The following POLRMT variants were observed in gnomAD, a reference collection of about 807,000 sequenced individuals.
POLRMT encodes the protein RNA polymerase mitochondrial.
Under a neutral mutation model 132.2 loss-of-function variants are expected in POLRMT, and 114 were observed. The observed-to-expected ratio is 0.86, with a 90% CI of 0.74 to 1.01. POLRMT has a LOEUF of 1.01. Ranked by LOEUF, POLRMT falls within the 50% of genes least tolerant of loss-of-function variation. POLRMT has a pLI of 0.00. For synonymous variants in POLRMT, 1,020 were observed against 773.4 expected (o/e 1.32, Z -5.29); for missense variants, 2,003 against 1,729.1 (o/e 1.16, Z -2.81).
At position 622,269 on chromosome 19, in the gene POLRMT, C is replaced by T; in HGVS notation, c.1731G>A (p.Lys577=). ...CCTGCACCAGCATCTCCGCCAGCAGCTTGCCCAGCTCCATCTGCACTGGCA... is the reference window on the plus strand; with the variant it reads ...CCTGCACCAGCATCTCCGCCAGCAGTTTGCCCAGCTCCATCTGCACTGGCA... ...WPLPVQMELG[K]LLAEMLVQAT... is the part of the protein sequence containing the mutation. The change falls in exon 9 of 21, where the codon AAG becomes AAA. Residue 577 remains lysine (K), a synonymous_variant. Coordinates refer to ENST00000588649, the MANE Select transcript of POLRMT (RefSeq NM_005035.4). 6.4e-7 allele frequency: 1 copy of T among 1,561,978 alleles called. No homozygotes were observed. The highest frequency in any genetic ancestry group is 2.4e-5 in the East Asian group (1 of 41,718).
At position 619,045 on chromosome 19, in the gene POLRMT, G is replaced by T; in HGVS notation, c.3219C>A (p.Pro1073=). The T allele has an allele frequency of 1.2e-6, 2 of 1,605,626 alleles. No individual in the cohort carries two copies. Among genetic ancestry groups the T allele is most frequent in the Non-Finnish European group, 1.7e-6 (2 of 1,176,342 alleles). ...HMGSVVEWVT[P]LGVPVIQPYR... ...AGGGCTGGATGACGGGGACGCCCAG[G>T]GGTGTGACCCACTCCACCACAGAGC... Residue 1073 remains proline (P), a synonymous_variant, in exon 15 of 21, where the codon CCC becomes CCA. Coordinates refer to ENST00000588649, the MANE Select transcript of POLRMT (RefSeq NM_005035.4).
At chr19:633,114 G>A in intron 1 of POLRMT, 176 bp from the exon 2 acceptor site, 1 of 615,916 alleles carries the variant, frequency 1.6e-6, no homozygotes, top group Non-Finnish European at 2.7e-6. Context: ...CCCCGCCGCG[G>A]CGAACACGGG....
rs1311391654 is a variant in POLRMT at position 622,159 on chromosome 19, T to C, written c.1841A>G (p.Asn614Ser). 3.2e-6 allele frequency: 5 copies of C among 1,558,348 alleles called. No homozygotes were observed. The highest frequency in any genetic ancestry group is 1.8e-5 in the Admixed American group (1 of 54,288). The change falls in exon 9 of 21, where the codon AAC (asparagine) becomes AGC (serine). Residue 614 changes from asparagine (N) to serine (S), a missense_variant. Transcript: ENST00000588649. ...PVLYHVYSFR[N>S]VQQIGILKPH... ...GGCACTGCCTGGCACCTGCTGGACG[T>C]TGCGGAAGGAATACACGTGGTAGAG...
chr19:626,914 T>A (rs1029881741), intron 3 of POLRMT, among the ~76,000 whole-genome samples: 10 of 133,756 alleles, frequency 7.5e-5, no homozygotes, highest in Non-Finnish European at 1.2e-4. Flanking sequence ...TATATATATA[T>A]AAAATAACAT....
intron 12 of POLRMT, 29 bp from the exon 13 acceptor site, chr19:619,794 G>C: frequency 6.4e-7 from 1 of 1,553,044 alleles, no homozygotes. Context: ...GGGGGCGCGG[G>C]TCAGCCCCGC....
At position 621,545 on chromosome 19, in the gene POLRMT, A is replaced by C. The variant is rs1242248081; in HGVS notation, c.2153T>G (p.Leu718Arg). 7.1e-7 allele frequency: 1 copy of C among 1,409,212 alleles called. No individual in the cohort carries two copies. The highest frequency in any genetic ancestry group is 3.2e-5 in the Admixed American group (1 of 30,974). 87.3% of individuals were successfully genotyped at this position (1,409,212 alleles called of 1,614,324 possible). ...RVNGRVLDLV[L>R]QLFQAKGCPQ... ...GCAGCCCTTGGCCTGGAAGAGCTGCAGCACCAGGTCCAGCACGCGCCCGTT... is the reference window on the plus strand; with the variant it reads ...GCAGCCCTTGGCCTGGAAGAGCTGCCGCACCAGGTCCAGCACGCGCCCGTT... The change falls in exon 10 of 21, where the codon CTG (leucine) becomes CGG (arginine). Residue 718 changes from leucine (L) to arginine (R), a missense_variant. Physicochemically the swap from Leu to Arg is moderately radical, Grantham distance 102. Coordinates refer to ENST00000588649, the MANE Select transcript of POLRMT (RefSeq NM_005035.4).
Position 632,909 on chromosome 19 carries a change from T to C in POLRMT, c.118A>G (p.Arg40Gly), listed in dbSNP as rs1290895431. 3.9e-6 allele frequency: 6 copies of C among 1,532,218 alleles called. No individual in the cohort carries two copies. The East Asian group carries it at 1.3e-4, about 33-fold the overall frequency. The allele number at this position is 1,532,218 out of a possible 1,614,324, so 94.9% of individuals were successfully genotyped here. A position where few individuals can be genotyped will look rare whatever the true frequency, so the allele number is the denominator to read the frequency against. Residue 40 changes from arginine (R) to glycine (G), a missense_variant, in exon 2 of 21, where the codon AGG (arginine) becomes GGG (glycine). Transcript: ENST00000588649. ...TCCTGGGGGCTGGCGGACGAGCTCC[T>C]CCTGGGGCCGCAGACGCCACCGGCG... is the stretch of plus-strand genomic sequence containing the variant. ...GTAGGVCGPR[R>G]SSSASPQEQD...
Position 619,289 on chromosome 19 carries a change from A to G in POLRMT, c.3074T>C (p.Val1025Ala). 1 of 1,607,348 alleles carries G rather than the reference A, an allele frequency of 6.2e-7. No individual in the cohort carries two copies. Among genetic ancestry groups the G allele is most frequent in the Non-Finnish European group, 8.5e-7 (1 of 1,178,962 alleles). Residue 1025 changes from valine to alanine, a missense_variant, in exon 14 of 21, where the codon GTG (valine) becomes GCG (alanine). Val to Ala is a moderately conservative substitution (Grantham distance 64). Transcript: ENST00000588649. ...TACGAGATAGTGAGAGGCCTCCCAC[A>G]CGAACTCCTGCAGAGGGCGGGCAGC... Reference protein sequence around the residue: ...RELSDFPQEFVWEASHYLVRQ... With the variant: ...RELSDFPQEFAWEASHYLVRQ...
At chr19:630,764 G>A (rs751904855) in intron 2 of POLRMT, among the ~76,000 whole-genome samples, 35 of 152,262 alleles carry the variant, frequency 2.3e-4, no homozygotes, top group African/African-American at 6.7e-4. Flanking sequence ...CCACTAGCTC[G>A]CAGGGAAAAC....
intron 3 of POLRMT, among the ~76,000 whole-genome samples, chr19:626,066 T>G (rs1381035377): frequency 1.3e-5 from 2 of 152,164 alleles, no homozygotes; most frequent in African/African-American, 4.8e-5. Context: ...GTCAGCTGCA[T>G]CCCAGGACTT....
chr19:632,020 G>C (rs1273837359), intron 2 of POLRMT, among the ~76,000 whole-genome samples: 1 of 150,670 alleles, frequency 6.6e-6, no homozygotes, highest in South Asian at 2.2e-4. Context: ...TGATCCGCCC[G>C]CCTCGGCCTC....
At chr19:629,460 G>A (rs1985245957) in intron 3 of POLRMT, 80 bp downstream of exon 3, 2 of 1,333,588 alleles carry the variant, frequency 1.5e-6, no homozygotes, top group Non-Finnish European at 2.0e-6. Context: ...GGGGCTAAGA[G>A]AGAAAAGTCC....
chr19:617,532 G>A (rs760902460), intron 19 of POLRMT, 38 bp downstream of exon 19: 1 of 1,608,536 alleles, frequency 6.2e-7, no homozygotes, highest in Non-Finnish European at 8.5e-7. Context: ...TTGGGGTGGG[G>A]GGGGAATCCA....
chr19:620,030 G>T lies in POLRMT; in HGVS notation c.2814C>A (p.Ser938Arg). 2 of 1,564,560 alleles carry T rather than the reference G, an allele frequency of 1.3e-6. No individual in the cohort carries two copies. ...CCAGGTTGACGGAGGCGGCGCCCAC[G>T]CTGTCGCGGCCCAGAGCAGCATAAT... ...LQHYAALGRD[S>R]VGAASVNLEP... Residue 938 changes from serine to arginine, a missense_variant, in exon 12 of 21, where the codon AGC becomes AGA. Transcript: ENST00000588649.
At chr19:629,359 T>C (rs570025991) in intron 3 of POLRMT, among the ~76,000 whole-genome samples, 181 bp downstream of exon 3, 9 of 152,160 alleles carry the variant, frequency 5.9e-5, no homozygotes, top group Admixed American at 3.3e-4. Context: ...CCTACTTTTT[T>C]GGTCATTTTC....
In POLRMT at chr19:621,348, A is replaced by G. The variant is rs1423448810; in HGVS notation, c.2350T>C (p.Ser784Pro). Residue 784 changes from serine to proline, a missense_variant, in exon 10 of 21, where the codon TCG becomes CCG. Physicochemically the swap from Ser to Pro is moderately conservative, Grantham distance 74. Transcript: ENST00000588649. ...SLRAEALYRL[S>P]LAQHLRDRVF... ...CGGTCCCGCAGGTGCTGCGCCAGCG[A>G]GAGGCGGTACAGCGCCTCCGCCCGC... The G allele has an allele frequency of 1.3e-6, 2 of 1,583,742 alleles. No homozygotes were observed. Among genetic ancestry groups the G allele is most frequent in the East Asian group, 4.5e-5 (2 of 44,076 alleles).
chr19:621,658 G>A lies in POLRMT; in HGVS notation c.2040C>T (p.His680=). The part of the protein sequence containing the change: ...LMRTVEGATQ[H]QELLETCPPT... ...GCGGGCAGGTTTCCAGCAGCTCCTG[G>A]TGCTGCGTGGCGCCTTCCACCGTGC... Residue 680 remains histidine, a synonymous_variant, in exon 10 of 21, where the codon CAC becomes CAT. Transcript: ENST00000588649. 1.9e-6 allele frequency: 3 copies of A among 1,542,120 alleles called. No homozygotes were observed. The highest frequency in any genetic ancestry group is 1.9e-5 in the Admixed American group (1 of 52,478).
rs1464900190 is a variant in POLRMT at position 617,427 on chromosome 19, G to T, written c.3635C>A (p.Pro1212His). 6.2e-7 allele frequency: 1 copy of T among 1,612,214 alleles called. No individual in the cohort carries two copies. Among genetic ancestry groups the T allele is most frequent in the Admixed American group, 1.7e-5 (1 of 59,994 alleles). Residue 1212 changes from proline (P) to histidine (H), a missense_variant, in exon 20 of 21, where the codon CCC becomes CAC. Physicochemically the swap from Pro to His is moderately conservative, Grantham distance 77. Transcript: ENST00000588649. ...SQLKETLQAV[P>H]KPGAFDLEQV... ...GCTGCCCACCCGCCTACCTGGCTTG[G>T]GCACCGCCTGCAGTGTCTCCTTCAG...
intron 3 of POLRMT, among the ~76,000 whole-genome samples, chr19:627,781 C>G (rs906813633): frequency 3.3e-5 from 5 of 151,646 alleles, no homozygotes; most frequent in Non-Finnish European, 5.9e-5. Flanking sequence ...AAAAATTGGC[C>G]GGGCGTGGTG....
Sources: gnomAD v4.1 joint callset for allele counts (sites outside exome capture counted in the v4.1 genomes callset) on GRCh38, gnomAD v4.1.1 for gene constraint, MANE v1.5 for transcripts, NCBI Gene and HGNC (gene_info 2026-07-23, HGNC 2026-07-21) for gene names.